The following SECTM1 variants were observed in gnomAD, a reference collection of about 807,000 sequenced individuals.
SECTM1 encodes the protein secreted and transmembrane 1.
A neutral mutation model predicts 18.1 loss-of-function variants in SECTM1; 10 were observed. That is an observed-to-expected ratio of 0.55 (90% CI 0.34 to 0.94). The LOEUF is 0.94. Ranked by LOEUF, SECTM1 falls within the 40% of genes least tolerant of loss-of-function variation. SECTM1 has a pLI of 0.02. For synonymous variants in SECTM1, 137 were observed against 139.2 expected, an observed-to-expected ratio of 0.98 and a Z score of 0.11; for missense variants, 297 against 322.6, an observed-to-expected ratio of 0.92 and a Z score of 0.61.
At chr17:82,322,733 G>T in intron 4 of SECTM1, 145 bp downstream of exon 4, 2 of 1,050,948 alleles carry the variant, frequency 1.9e-6, no homozygotes, top group Non-Finnish European at 1.4e-6. Flanking sequence ...TGGGCCCCTG[G>T]CGGGGACTGG....
At chr17:82,323,232 T>G (rs958375372) in intron 3 of SECTM1, 4 of 567,034 alleles carry the variant, frequency 7.1e-6, no homozygotes, top group Non-Finnish European at 1.3e-5. Flanking sequence ...CGCAGGTGTG[T>G]CGGGGCAGCG....
rs1028446638 is a variant in SECTM1, at chr17:82,330,587, G to C, written c.-53+3113C>G. On this transcript the variant is annotated intron_variant, in intron 1 of 4. Coordinates refer to ENST00000269389, the MANE Select transcript of SECTM1 (RefSeq NM_003004.3). This position sits in a 1 kb window ranked among gnomAD's most constrained non-coding sequence, Gnocchi z 6.1. ...CTGCACGCACCTGGCTTCATGCCAA[G>C]CTCCTCCCGCCTGGCAGTGGCTGCA... Among the ~76,000 whole-genome samples the C allele has an allele frequency of 1.3e-5, 2 of 152,170 alleles. No homozygotes were observed. The highest frequency in any genetic ancestry group is 2.9e-5 in the Non-Finnish European group (2 of 68,026).
intron 1 of SECTM1, among the ~76,000 whole-genome samples, chr17:82,333,450 C>A (rs973158625): frequency 1.4e-4 from 22 of 152,124 alleles, no homozygotes; most frequent in Non-Finnish European, 2.8e-4. Context: ...CCCGCCTGGC[C>A]TGCGACGCAC....
At position 82,322,085 on chromosome 17, in the gene SECTM1, C is replaced by T. The variant is rs2052096374; in HGVS notation, c.*76G>A. 2.2e-5 allele frequency: 32 copies of T among 1,457,482 alleles called. No homozygotes were observed. The highest frequency in any genetic ancestry group is 2.7e-5 in the Non-Finnish European group (28 of 1,045,862). 90.3% of individuals were successfully genotyped at this position (1,457,482 alleles called of 1,614,324 possible). A position where few individuals can be genotyped will look rare whatever the true frequency, so the allele number is the denominator to read the frequency against. ...CGGTGTCTGTGCCCTCCGGGTGGGA[C>T]GAGAGACCCAGGCCCCGCCACCCAA... On this transcript the variant is annotated 3_prime_UTR_variant, in exon 5 of 5. Coordinates refer to ENST00000269389, the MANE Select transcript of SECTM1 (RefSeq NM_003004.3).
chr17:82,322,420 C>T (rs909194075), intron 4 of SECTM1, 50 bp from the exon 5 acceptor site: 2 of 1,560,486 alleles, frequency 1.3e-6, no homozygotes, highest in Non-Finnish European at 1.8e-6. Context: ...CCCCCGTGCC[C>T]ACAGCTCTGC....
chr17:82,324,929 G>T, intron 2 of SECTM1, 39 bp from the exon 3 acceptor site: 1 of 1,571,892 alleles, frequency 6.4e-7, no homozygotes, highest in Non-Finnish European at 8.6e-7. Context: ...ATCAGGGCTG[G>T]ACCTCAGGGC....
At chr17:82,331,331 G>A (rs1242896056) in intron 1 of SECTM1, among the ~76,000 whole-genome samples, 3 of 152,158 alleles carry the variant, frequency 2.0e-5, no homozygotes, top group African/African-American at 4.8e-5. Flanking sequence ...TTCAGGCTGC[G>A]GACCATGCGT....
At chr17:82,323,346 G>T (rs1420309517) in intron 3 of SECTM1, 1 of 304,668 alleles carries the variant, frequency 3.3e-6, no homozygotes, top group Non-Finnish European at 6.3e-6. Context: ...GCAGGGGAGG[G>T]GCCTGCCCTG....
intron 2 of SECTM1, 81 bp downstream of exon 2, chr17:82,327,066 C>G: frequency 8.9e-7 from 1 of 1,124,622 alleles, no homozygotes; most frequent in East Asian, 2.6e-5. Flanking sequence ...TGGACCCAAC[C>G]TCAGTCCACC....
Position 82,324,864 on chromosome 17 carries a change from C to G in SECTM1, c.121G>C (p.Gly41Arg), listed in dbSNP as rs369998373. 2.3e-5 allele frequency: 37 copies of G among 1,613,274 alleles called. No homozygotes were observed. The highest frequency in any genetic ancestry group is 4.4e-5 in the South Asian group (4 of 91,064). The stretch of plus-strand genomic sequence containing the variant: ...TCGCCCCAAGACACAGAGACTACCC[C>G]CTCTGTGCAGATGGGGCTGTCCCAG... ...EGWDSPICTE[G>R]VVSVSWGENT... Residue 41 changes from glycine (G) to arginine (R), a missense_variant, in exon 3 of 5, where the codon GGG becomes CGG. Gly to Arg is a moderately radical substitution (Grantham distance 125). Transcript: ENST00000269389.
In SECTM1 at chr17:82,330,112, C is replaced by T. The variant is rs1567845479; in HGVS notation, c.-52-2820G>A. ...AAGGAGACCCCAGGGGGCCTGGGTC[C>T]GGCTCCCTCACCCCACGCTCCACGA... On this transcript the variant is annotated intron_variant, in intron 1 of 4. Transcript: ENST00000269389. This position sits in a 1 kb window ranked among gnomAD's most constrained non-coding sequence, Gnocchi z 6.1. Among the ~76,000 whole-genome samples the T allele has an allele frequency of 6.6e-6, 1 of 152,154 alleles. No homozygotes were observed. Among genetic ancestry groups the T allele is most frequent in the African/African-American group, 2.4e-5 (1 of 41,434 alleles).
At chr17:82,327,063 A>C in intron 2 of SECTM1, 84 bp downstream of exon 2, 1 of 1,092,890 alleles carries the variant, frequency 9.2e-7, no homozygotes, top group Non-Finnish European at 1.4e-6. Flanking sequence ...ACCTGGACCC[A>C]ACCTCAGTCC....
At chr17:82,324,971 CAGGGCA>C (rs1479971503) in intron 2 of SECTM1, 81 bp from the exon 3 acceptor site, 6 of 1,415,056 alleles carry the variant, frequency 4.2e-6, no homozygotes, top group Non-Finnish European at 4.8e-6. Context: ...GGGCCAGGGC[CAGGGCA>C]GGAGACAGGG....
At position 82,326,472 on chromosome 17, in the gene SECTM1, G is replaced by A. The variant is rs375862228; in HGVS notation, c.94+675C>T. ...CAATTTAGCCAGGTATGGTGTGCAT[G>A]CCTGTAGTCCCAGCTACTCGGGAGG... On this transcript the variant is annotated intron_variant, in intron 2 of 4. Coordinates refer to ENST00000269389, the MANE Select transcript of SECTM1 (RefSeq NM_003004.3). This position sits in a 1 kb window ranked among gnomAD's most constrained non-coding sequence, Gnocchi z 4.3. Among the ~76,000 whole-genome samples, 13 of 152,214 alleles carry A rather than the reference G, an allele frequency of 8.5e-5. No individual in the cohort carries two copies. Among genetic ancestry groups the A allele is most frequent in the African/African-American group, 3.1e-4 (13 of 41,544 alleles).
chr17:82,324,532 C>CCGGG, intron 3 of SECTM1, 50 bp downstream of exon 3: 1 of 1,079,974 alleles, frequency 9.3e-7, no homozygotes, highest in Non-Finnish European at 1.3e-6. Flanking sequence ...CTCCCCTCCC[C>CCGGG]GTGTCCCCTC....
intron 4 of SECTM1, 122 bp from the exon 5 acceptor site, chr17:82,322,492 C>G: frequency 2.1e-6 from 2 of 951,868 alleles, no homozygotes; most frequent in South Asian, 2.9e-5. Context: ...CCCCCAGGCA[C>G]ACTCCCAGCC....
chr17:82,325,357 G>A lies in SECTM1; in HGVS notation c.95-467C>T, dbSNP rs572992317. ...TCCTGTTTCTCCAAGGCCTAGGCCA[G>A]GTGCAGGTGCTCGGCTGCGTGAGGA... On this transcript the variant is annotated intron_variant, in intron 2 of 4. Transcript: ENST00000269389. This position sits in a 1 kb window ranked among gnomAD's most constrained non-coding sequence, Gnocchi z 7.6. Among the ~76,000 whole-genome samples the A allele has an allele frequency of 6.6e-6, 1 of 152,364 alleles. No individual in the cohort carries two copies. Among genetic ancestry groups the A allele is most frequent in the African/African-American group, 2.4e-5 (1 of 41,586 alleles).
rs1243060716 is a variant in SECTM1, at chr17:82,325,815, G to A, written c.95-925C>T. 2.0e-5 allele frequency among the ~76,000 whole-genome samples: 3 copies of A among 152,236 alleles called. No homozygotes were observed. Among genetic ancestry groups the A allele is most frequent in the Admixed American group, 6.5e-5 (1 of 15,290 alleles). ...AGTGACTGGACACGGACGGATGGAC[G>A]GACAGACGGACGGCAGGGTGAGCTC... is the stretch of plus-strand genomic sequence containing the variant. On this transcript the variant is annotated intron_variant, in intron 2 of 4. Coordinates refer to ENST00000269389, the MANE Select transcript of SECTM1 (RefSeq NM_003004.3). This position sits in a 1 kb window ranked among gnomAD's most constrained non-coding sequence, Gnocchi z 7.6.
In SECTM1 at chr17:82,329,885, G is replaced by GC. The variant is rs1205929656; in HGVS notation, c.-52-2594dup. The stretch of plus-strand genomic sequence containing the variant: ...TGGAGACCCTGTGATGGCATCAAGG[G>GC]CCCCCCTGGGTGACCCAGGACACAT... On this transcript the variant is annotated intron_variant, in intron 1 of 4. Coordinates refer to ENST00000269389, the MANE Select transcript of SECTM1 (RefSeq NM_003004.3). This position sits in a 1 kb window ranked among gnomAD's most constrained non-coding sequence, Gnocchi z 7.6. 6.6e-6 allele frequency among the ~76,000 whole-genome samples: 1 copy of GC among 152,082 alleles called. No individual in the cohort carries two copies. The highest frequency in any genetic ancestry group is 2.4e-5 in the African/African-American group (1 of 41,424).
Sources: gnomAD v4.1 joint callset for allele counts (sites outside exome capture counted in the v4.1 genomes callset) on GRCh38, gnomAD v4.1.1 for gene constraint, Gnocchi (gnomAD v3.1) non-coding constraint, MANE v1.5 for transcripts, NCBI Gene and HGNC (gene_info 2026-07-23, HGNC 2026-07-21) for gene names.